The following CLCN4 variants were observed in gnomAD, a reference collection of about 807,000 sequenced individuals.
CLCN4 encodes the protein Cl-/H+ antiporter 4.
In CLCN4, 1 loss-of-function variant was observed where a neutral mutation model predicts 41.7. That is an observed-to-expected ratio of 0.02 (90% CI 0.01 to 0.11). CLCN4 has a LOEUF of 0.11. Ranked by LOEUF, CLCN4 falls within the 10% of genes least tolerant of loss-of-function variation. CLCN4 has a pLI of 1.00. For missense variants in CLCN4, 287 were observed against 661.0 expected, an observed-to-expected ratio of 0.43 and a Z score of 6.20; for synonymous variants, 277 against 285.8, an observed-to-expected ratio of 0.97 and a Z score of 0.31.
intron 4 of CLCN4, among the ~76,000 whole-genome samples, 184 bp downstream of exon 4, chrX:10,187,798 A>G (rs1923854067): frequency 8.8e-6 from 1 of 113,008 alleles, no homozygotes; most frequent in Non-Finnish European, 1.9e-5. Context: ...CCTAAAATCC[A>G]TCATCAATAA....
intron 12 of CLCN4, among the ~76,000 whole-genome samples, chrX:10,221,914 C>T (rs1038037381): frequency 2.7e-4 from 30 of 111,468 alleles, no homozygotes; most frequent in Non-Finnish European, 4.7e-4. Flanking sequence ...GTTTGGGGGC[C>T]GGGCATGTGC....
At chrX:10,171,180 G>A (rs1050961107) in intron 2 of CLCN4, among the ~76,000 whole-genome samples, 1 of 112,231 alleles carries the variant, frequency 8.9e-6, no homozygotes, top group African/African-American at 3.2e-5. Context: ...GAGCCACCGC[G>A]TCCGGCTCTG....
In CLCN4 at chrX:10,227,751, A is replaced by G. The variant is rs150136139; in HGVS notation, c.2193-5743A>G. 2.6e-3 allele frequency among the ~76,000 whole-genome samples: 296 copies of G among 111,861 alleles called. 1 individual carries two copies. Among genetic ancestry groups the G allele is most frequent in the African/African-American group, 9.2e-3 (284 of 30,736 alleles). ...CTGGACATTTCATGTCAATACAGTCATGCACTATGTGGCCTTTTGTATTTG... is the reference window on the plus strand; with the variant it reads ...CTGGACATTTCATGTCAATACAGTCGTGCACTATGTGGCCTTTTGTATTTG... On this transcript the variant is annotated intron_variant, in intron 12 of 12. Transcript: ENST00000380833.
At chrX:10,186,255 G>A (rs5933819) in intron 3 of CLCN4, among the ~76,000 whole-genome samples, 29,394 of 110,162 alleles carry the variant, frequency 0.27, 3,216 homozygotes, top group African/African-American at 0.4. Context: ...AAGGGCCGGG[G>A]GGAGAATGAG....
At chrX:10,162,838 A>C (rs1923142131) in intron 2 of CLCN4, among the ~76,000 whole-genome samples, 1 of 112,719 alleles carries the variant, frequency 8.9e-6, no homozygotes, top group Non-Finnish European at 1.9e-5. Context: ...TTTGAAGATC[A>C]GGCTTCAAGA....
Position 10,208,560 on chromosome X carries a change from C to T in CLCN4, c.1359C>T (p.Ile453=), listed in dbSNP as rs747448852. The part of the protein sequence containing the change: ...WQLALALIFK[I]VVTIFTFGMK... ...TGGCCCTGGCACTGATCTTCAAAAT[C>T]GTCGTTACCATATTTACCTTTGGCA... The change falls in exon 9 of 13, where the codon ATC becomes ATT. Residue 453 remains isoleucine, a synonymous_variant. Coordinates refer to ENST00000380833, the MANE Select transcript of CLCN4 (RefSeq NM_001830.4). 5 of 1,208,693 alleles carry T rather than the reference C, an allele frequency of 4.1e-6. No individual in the cohort carries two copies. The highest frequency in any genetic ancestry group is 4.4e-5 in the Admixed American group (2 of 45,970).
At chrX:10,189,130 C>A (rs1226891623) in intron 4 of CLCN4, among the ~76,000 whole-genome samples, 1 of 112,026 alleles carries the variant, frequency 8.9e-6, no homozygotes, top group Admixed American at 9.4e-5. Context: ...TGGGAGTTTG[C>A]TATGAATTTT....
chrX:10,222,478 T>G (rs1864194031), intron 12 of CLCN4, among the ~76,000 whole-genome samples: 3 of 111,317 alleles, frequency 2.7e-5, no homozygotes, highest in African/African-American at 9.8e-5. Flanking sequence ...GCCAGCACAC[T>G]CTAGTTTAAC....
Position 10,233,987 on chromosome X carries a change from G to A in CLCN4, c.*403G>A, listed in dbSNP as rs1046456379. ...AGTGTTGAGTCCAAAAGACAAAGGGGCATCGGCATGTCAGCGTCCTTATTT... is the reference window on the plus strand; with the variant it reads ...AGTGTTGAGTCCAAAAGACAAAGGGACATCGGCATGTCAGCGTCCTTATTT... On this transcript the variant is annotated 3_prime_UTR_variant, in exon 13 of 13. Coordinates refer to ENST00000380833, the MANE Select transcript of CLCN4 (RefSeq NM_001830.4). 1 of 119,229 alleles carries A rather than the reference G, an allele frequency of 8.4e-6. No individual in the cohort carries two copies. The highest frequency in any genetic ancestry group is 1.8e-5 in the Non-Finnish European group (1 of 56,949). The allele number at this position is 119,229 out of a possible 1,213,427, so 9.8% of individuals were successfully genotyped here.
chrX:10,202,388 G>A (rs959649377), intron 6 of CLCN4, among the ~76,000 whole-genome samples: 1 of 110,641 alleles, frequency 9.0e-6, no homozygotes, highest in Non-Finnish European at 1.9e-5. Flanking sequence ...CACGAGAATC[G>A]CTTGAACCTG....
intron 4 of CLCN4, among the ~76,000 whole-genome samples, chrX:10,193,120 A>G (rs1924009686): frequency 8.9e-6 from 1 of 112,036 alleles, no homozygotes; most frequent in Admixed American, 9.4e-5. Flanking sequence ...GGGCTTTGCT[A>G]CAAAGATTTG....
chrX:10,182,584 C>A (rs1923711585), intron 2 of CLCN4, among the ~76,000 whole-genome samples: 1 of 112,810 alleles, frequency 8.9e-6, no homozygotes, highest in Admixed American at 9.3e-5. Flanking sequence ...TGCCACCACA[C>A]CTGGCTAATT....
rs145746894 is a variant in CLCN4, at chrX:10,204,025, C to T, written c.556-2333C>T. ...TGATTACAGGCTTGTAAGTTGCTAA[C>T]CCGGCAGTAAACATTCAGTCCATTT... On this transcript the variant is annotated intron_variant, in intron 6 of 12. Transcript: ENST00000380833. Among the ~76,000 whole-genome samples the T allele has an allele frequency of 5.0e-3, 559 of 111,780 alleles. 4 individuals are homozygous for T. Among genetic ancestry groups the T allele is most frequent in the African/African-American group, 0.017 (534 of 30,734 alleles).
At chrX:10,160,404 C>T (rs908858476) in intron 2 of CLCN4, among the ~76,000 whole-genome samples, 1 of 110,895 alleles carries the variant, frequency 9.0e-6, no homozygotes, top group Admixed American at 9.6e-5. Flanking sequence ...AGCTGGGAGG[C>T]GAGCTTGGCA....
At chrX:10,216,653 G>A (rs971747518) in intron 11 of CLCN4, among the ~76,000 whole-genome samples, 3 of 108,493 alleles carry the variant, frequency 2.8e-5, no homozygotes, top group Non-Finnish European at 5.7e-5. Flanking sequence ...GGTTTTTGCC[G>A]TTACTTTCAA....
intron 4 of CLCN4, among the ~76,000 whole-genome samples, chrX:10,194,032 G>C (rs1423753023): frequency 9.1e-6 from 1 of 109,397 alleles, no homozygotes; most frequent in Non-Finnish European, 1.9e-5. Context: ...AGAAGGAAAG[G>C]GGAATGGGAA....
chrX:10,162,946 T>C (rs1333865296), intron 2 of CLCN4, among the ~76,000 whole-genome samples: 1 of 113,250 alleles, frequency 8.8e-6, no homozygotes, highest in East Asian at 2.7e-4. Flanking sequence ...CTGATTGGTG[T>C]TATTCACTGG....
At chrX:10,171,942 A>G (rs1350263474) in intron 2 of CLCN4, among the ~76,000 whole-genome samples, 3 of 111,956 alleles carry the variant, frequency 2.7e-5, no homozygotes, top group African/African-American at 9.8e-5. Flanking sequence ...TCAAAATTCC[A>G]GACTCCCAGA....
Position 10,208,402 on chromosome X carries a change from C to G in CLCN4, c.1201C>G (p.Leu401Val), listed in dbSNP as rs1163590962. ...RQSTSELISE[L>V]FNDCGALESS... ...GAGCACCAGCGAGCTCATTTCTGAG[C>G]TGTTCAATGACTGTGGAGCCCTTGA... The change falls in exon 9 of 13, where the codon CTG becomes GTG. Residue 401 changes from leucine (L) to valine (V), a missense_variant. Leu to Val is a conservative substitution (Grantham distance 32, BLOSUM62 1). Coordinates refer to ENST00000380833, the MANE Select transcript of CLCN4 (RefSeq NM_001830.4). 1 of 1,209,252 alleles carries G rather than the reference C, an allele frequency of 8.3e-7. No individual in the cohort carries two copies. The highest frequency in any genetic ancestry group is 1.8e-5 in the African/African-American group (1 of 56,936).
Sources: allele counts gnomAD v4.1 joint callset (sites outside exome capture counted in the v4.1 genomes callset), GRCh38; gene constraint gnomAD v4.1.1; transcripts MANE v1.5; gene names NCBI Gene and HGNC (gene_info 2026-07-23, HGNC 2026-07-21).